The following NCAPG variants were observed in gnomAD, a reference collection of about 807,000 sequenced individuals.
NCAPG encodes the protein non-SMC condensin I complex subunit G, also known as condensin complex subunit 3.
In NCAPG, 69 loss-of-function variants were observed where a neutral mutation model predicts 113.1. The observed-to-expected ratio is 0.61, with a 90% CI of 0.50 to 0.75. The LOEUF is 0.75. Among genes scored for constraint, NCAPG ranks in the 30% least tolerant of loss-of-function variants. NCAPG has a pLI of 0.00. For missense variants in NCAPG, 1,058 were observed against 1,177.0 expected, an observed-to-expected ratio of 0.90 and a Z score of 1.48; for synonymous variants, 370 against 415.8, an observed-to-expected ratio of 0.89 and a Z score of 1.34.
Position 17,812,418 on chromosome 4 carries a change from C to T in NCAPG, c.309C>T (p.Leu103=). The T allele has an allele frequency of 6.2e-7, 1 of 1,612,122 alleles. No homozygotes were observed. Among genetic ancestry groups the T allele is most frequent in the Non-Finnish European group, 8.5e-7 (1 of 1,178,554 alleles). Residue 103 remains leucine, a synonymous_variant, in exon 2 of 21, where the codon CTC becomes CTT. Transcript: ENST00000251496. ...TTTTAAATTATTTGTTTACTTTTCT[C>T]TTAAAGGTACTATGAAAATGATAGC... ...GGLLNYLFTF[L]LKSHEANSNA...
intron 9 of NCAPG, 28 bp downstream of exon 9, chr4:17,823,798 A>G: frequency 1.3e-6 from 2 of 1,568,876 alleles, no homozygotes; most frequent in Non-Finnish European, 1.7e-6. Flanking sequence ...TTGTTGATAA[A>G]GAGGTTTTGG....
chr4:17,830,888 A>C, intron 12 of NCAPG, 109 bp from the exon 13 acceptor site: 1 of 1,149,618 alleles, frequency 8.7e-7, no homozygotes, highest in Non-Finnish European at 1.2e-6. Context: ...TTAGCAATTT[A>C]ATACTTACCT....
Position 17,812,427 on chromosome 4 carries a change from A to G in NCAPG, c.315+3A>G. 2 of 1,610,988 alleles carry G rather than the reference A, an allele frequency of 1.2e-6. No individual in the cohort carries two copies. Among genetic ancestry groups the G allele is most frequent in the Non-Finnish European group, 1.7e-6 (2 of 1,177,560 alleles). ...ATTTGTTTACTTTTCTCTTAAAGGT[A>G]CTATGAAAATGATAGCTTTGGGGAG... On this transcript the variant is annotated splice_donor_region_variant and intron_variant, in intron 2 of 20. Transcript: ENST00000251496.
chr4:17,825,268 C>A lies in NCAPG; in HGVS notation c.1474-114C>A. ...CAGGAAAACTACAAGTTTGCATATG[C>A]CTGACTCATTAAATTCTGGGCAGTT... On this transcript the variant is annotated intron_variant, in intron 10 of 20. Transcript: ENST00000251496. 7.2e-6 allele frequency: 7 copies of A among 976,082 alleles called. No individual in the cohort carries two copies. In the South Asian group the frequency reaches 1.2e-4, roughly 17 times the overall value. The allele number at this position is 976,082 out of a possible 1,614,324, so 60.5% of individuals were successfully genotyped here.
chr4:17,821,630 G>T (rs1254532945), intron 7 of NCAPG, among the ~76,000 whole-genome samples: 2 of 151,178 alleles, frequency 1.3e-5, no homozygotes, highest in African/African-American at 2.4e-5. Context: ...CATTTGGCTG[G>T]TTTTTATATT....
intron 7 of NCAPG, 40 bp downstream of exon 7, chr4:17,818,128 G>T: frequency 6.4e-7 from 1 of 1,557,534 alleles, no homozygotes; most frequent in Admixed American, 2.0e-5. Context: ...TGATTGTGTT[G>T]CTGCATGTGT....
intron 14 of NCAPG, among the ~76,000 whole-genome samples, chr4:17,835,024 CTT>C (rs1473054149): frequency 6.6e-6 from 1 of 152,040 alleles, no homozygotes; most frequent in Non-Finnish European, 1.5e-5. Context: ...ATCCCCAAGA[CTT>C]TTAAGAAATA....
At chr4:17,840,461 A>G (rs1400290115) in intron 18 of NCAPG, 146 bp from the exon 19 acceptor site, 3 of 598,768 alleles carry the variant, frequency 5.0e-6, no homozygotes, top group East Asian at 3.4e-5. Context: ...CAATATTCAA[A>G]TTTTCGAAAG....
At chr4:17,835,206 AAACTT>A (rs1230075511) in intron 14 of NCAPG, among the ~76,000 whole-genome samples, 4 of 152,118 alleles carry the variant, frequency 2.6e-5, no homozygotes, top group African/African-American at 9.7e-5. Context: ...TGATATAACA[AAACTT>A]AATTTTATTT....
At chr4:17,841,200 C>A (rs1039440033) in intron 19 of NCAPG, 3 of 151,986 alleles carry the variant, frequency 2.0e-5, no homozygotes, top group East Asian at 1.9e-4. Context: ...AATTCAAGAT[C>A]TTTTTATTGT....
At position 17,811,184 on chromosome 4, in the gene NCAPG, G is replaced by T; in HGVS notation, c.107G>T (p.Arg36Leu). ...KLVVALSRTY[R>L]TMDDKTVFHE... ...GTGGTGGCGCTGAGCCGCACCTACC[G>T]CACGGTAAGCGCTCCCGGCCCCGGC... The change falls in exon 1 of 21, where the codon CGC becomes CTC. Residue 36 changes from arginine to leucine, a missense_variant. By Grantham distance (102) the Arg-to-Leu change is moderately radical. Coordinates refer to ENST00000251496, the MANE Select transcript of NCAPG (RefSeq NM_022346.5). The surrounding 1 kb of genome is among the most constrained non-coding windows in gnomAD (Gnocchi z 5.3). 1 of 1,477,048 alleles carries T rather than the reference G, an allele frequency of 6.8e-7. No individual in the cohort carries two copies. Among genetic ancestry groups the T allele is most frequent in the South Asian group, 1.3e-5 (1 of 77,760 alleles). 91.5% of individuals were successfully genotyped at this position (1,477,048 alleles called of 1,614,324 possible).
chr4:17,822,455 G>A (rs1721497620), intron 7 of NCAPG, among the ~76,000 whole-genome samples: 1 of 152,074 alleles, frequency 6.6e-6, no homozygotes, highest in Non-Finnish European at 1.5e-5. Flanking sequence ...CTCCCAAAGT[G>A]TTGGGATTAC....
At chr4:17,841,068 T>G (rs556196621) in intron 19 of NCAPG, 1 of 153,508 alleles carries the variant, frequency 6.5e-6, no homozygotes, top group Non-Finnish European at 1.5e-5. Flanking sequence ...GGCTTTGTTT[T>G]CCTTCTATTC....
chr4:17,822,342 AC>A, intron 7 of NCAPG, among the ~76,000 whole-genome samples: 1 of 151,976 alleles, frequency 6.6e-6, no homozygotes, highest in Middle Eastern at 3.4e-3. Flanking sequence ...TACAGTAGCC[AC>A]CATGCCTGGC....
chr4:17,814,951 G>T lies in NCAPG; in HGVS notation c.643G>T (p.Gly215Trp), dbSNP rs764094948. The change falls in exon 4 of 21, where the codon GGG (glycine) becomes TGG (tryptophan). Residue 215 changes from glycine to tryptophan, a missense_variant. Coordinates refer to ENST00000251496, the MANE Select transcript of NCAPG (RefSeq NM_022346.5). ...PSAKTLPKIVGRTKDVKEAVR... is the reference protein window; with the variant it reads ...PSAKTLPKIVWRTKDVKEAVR... ...AGCAAAGACTTTGCCAAAAATTGTA[G>T]GGCGCACCAAGGATGTGAAAGAGGC... is the stretch of plus-strand genomic sequence containing the variant. The T allele has an allele frequency of 3.1e-6, 5 of 1,614,128 alleles. No individual in the cohort carries two copies. Among genetic ancestry groups the T allele is most frequent in the Non-Finnish European group, 4.2e-6 (5 of 1,180,012 alleles).
intron 13 of NCAPG, among the ~76,000 whole-genome samples, chr4:17,834,087 C>T (rs1721984318): frequency 6.6e-6 from 1 of 151,924 alleles, no homozygotes; most frequent in African/African-American, 2.4e-5. Flanking sequence ...AAGTATATAG[C>T]TCTATTATAT....
At position 17,823,628 on chromosome 4, in the gene NCAPG, T is replaced by A; in HGVS notation, c.1260-19T>A. The A allele has an allele frequency of 2.5e-6, 4 of 1,594,478 alleles. No individual in the cohort carries two copies. The highest frequency in any genetic ancestry group is 3.4e-6 in the Non-Finnish European group (4 of 1,168,038). On this transcript the variant is annotated intron_variant, in intron 8 of 20. Coordinates refer to ENST00000251496, the MANE Select transcript of NCAPG (RefSeq NM_022346.5). Reference sequence around the variant, plus strand: ...TGTTTTGTCATAATAATATTTAAATTAGTTCTTTTTGACTGCAGAAAAAAA... The same window carrying A: ...TGTTTTGTCATAATAATATTTAAATAAGTTCTTTTTGACTGCAGAAAAAAA...
At chr4:17,824,867 A>G in intron 9 of NCAPG, 101 bp from the exon 10 acceptor site, 2 of 698,132 alleles carry the variant, frequency 2.9e-6, no homozygotes, top group Admixed American at 6.4e-5. Context: ...TTGCTCCATT[A>G]TTCAATATAT....
Position 17,814,783 on chromosome 4 carries a change from G to A in NCAPG, c.545-70G>A, listed in dbSNP as rs183707253. The A allele has an allele frequency of 8.0e-5, 118 of 1,470,498 alleles. No homozygotes were observed. The African/African-American group carries it at 1.5e-3, about 18-fold the overall frequency. The allele number at this position is 1,470,498 out of a possible 1,614,324, so 91.1% of individuals were successfully genotyped here. A position where few individuals can be genotyped will look rare whatever the true frequency, so the allele number is the denominator to read the frequency against. ...TAAAGGCATTTTAAAATATCAAAAT[G>A]TGTGTTATTTTATGACTGTAGTTAA... is the stretch of plus-strand genomic sequence containing the variant. On this transcript the variant is annotated intron_variant, in intron 3 of 20. Transcript: ENST00000251496.
Sources: allele counts gnomAD v4.1 joint callset (sites outside exome capture counted in the v4.1 genomes callset), GRCh38; gene constraint gnomAD v4.1.1; non-coding constraint Gnocchi (gnomAD v3.1); transcripts MANE v1.5; gene names NCBI Gene and HGNC (gene_info 2026-07-23, HGNC 2026-07-21).